The following GK variants were observed in gnomAD, a reference collection of about 807,000 sequenced individuals.
The protein encoded by GK is ATP:glycerol 3-phosphotransferase.
GK carries 9 observed loss-of-function variants against 56.4 expected under a neutral mutation model. The observed-to-expected ratio is 0.16, with a 90% CI of 0.10 to 0.28. The LOEUF is 0.28. GK is among the 10% of genes least tolerant of loss of function. The pLI is 1.00. For missense variants in GK, 161 were observed against 431.4 expected (o/e 0.37, Z 5.55); for synonymous variants, 104 against 144.1 (o/e 0.72, Z 1.99).
chrX:30,686,165 C>T (rs1186688157), intron 4 of GK, among the ~76,000 whole-genome samples: 1 of 112,753 alleles, frequency 8.9e-6, no homozygotes, highest in Non-Finnish European at 1.9e-5. Context: ...ATCAATCTTT[C>T]CTTCCCAACT....
intron 20 of GK, 28 bp downstream of exon 20, chrX:30,727,580 CTA>C: frequency 1.1e-6 from 1 of 886,351 alleles, no homozygotes; most frequent in Non-Finnish European, 1.7e-6. Flanking sequence ...TTAGACAACT[CTA>C]TTAGTTAGCT....
At chrX:30,683,685 G>T (rs1005759396) in intron 4 of GK, among the ~76,000 whole-genome samples, 1 of 112,337 alleles carries the variant, frequency 8.9e-6, no homozygotes, top group Admixed American at 9.4e-5. Context: ...GGAAGAGATG[G>T]CCTAATTTAC....
chrX:30,674,446 C>T (rs1933742602), intron 3 of GK: 1 of 314,365 alleles, frequency 3.2e-6, no homozygotes, highest in African/African-American at 2.7e-5. Context: ...CCACTTGGAG[C>T]TCCTCCCTCC....
chrX:30,671,656 G>A (rs757358581), intron 3 of GK: 1 of 112,026 alleles, frequency 8.9e-6, no homozygotes, highest in East Asian at 2.8e-4. Context: ...TCTGACAGAA[G>A]GTTTGTTGAT....
intron 3 of GK, among the ~76,000 whole-genome samples, chrX:30,668,656 G>A (rs1933249366): frequency 8.9e-6 from 1 of 112,029 alleles, no homozygotes; most frequent in South Asian, 3.7e-4. Context: ...CGATCAAATT[G>A]TGGAAGTGGG....
intron 4 of GK, chrX:30,677,944 A>G: frequency 1.9e-6 from 1 of 533,324 alleles, no homozygotes; most frequent in Non-Finnish European, 3.4e-6. Flanking sequence ...TTTTTGGATC[A>G]TACATATTCA....
intron 1 of GK, among the ~76,000 whole-genome samples, chrX:30,655,875 G>A (rs1456569651): frequency 8.9e-6 from 1 of 112,114 alleles, no homozygotes; most frequent in Non-Finnish European, 1.9e-5. Context: ...TGAACAACAT[G>A]AGCCTTCAAA....
At chrX:30,665,700 A>G (rs1387610996) in intron 2 of GK, 116 bp downstream of exon 2, 1 of 506,139 alleles carries the variant, frequency 2.0e-6, no homozygotes, top group African/African-American at 2.3e-5. Flanking sequence ...AAAACATTTG[A>G]AAGGTTGTTA....
chrX:30,661,949 T>C (rs1028076631), intron 1 of GK, among the ~76,000 whole-genome samples: 1 of 112,737 alleles, frequency 8.9e-6, no homozygotes, highest in African/African-American at 3.2e-5. Context: ...TCCTCTACCA[T>C]AGAGTCTTGT....
intron 13 of GK, among the ~76,000 whole-genome samples, chrX:30,715,117 TCTTTA>T (rs1268679716): frequency 8.9e-6 from 1 of 111,934 alleles, no homozygotes; most frequent in African/African-American, 3.2e-5. Context: ...TTTAGGGTAA[TCTTTA>T]CTTTACCTGA....
intron 8 of GK, among the ~76,000 whole-genome samples, chrX:30,697,197 C>T (rs1290997719): frequency 1.8e-5 from 2 of 112,149 alleles, no homozygotes; most frequent in African/African-American, 6.5e-5. Context: ...TTTGATTTCA[C>T]TGAAATCCAG....
At chrX:30,721,458 ATT>A (rs35498618) in intron 18 of GK, 2,566 of 92,211 alleles carry the variant, frequency 0.028, 23 homozygotes, top group South Asian at 0.06. Context: ...CGCCCGCCTA[ATT>A]TTTTTTTTTT....
At chrX:30,700,169 A>G (rs1368421413) in intron 9 of GK, 21 of 362,235 alleles carry the variant, frequency 5.8e-5, no homozygotes, top group Non-Finnish European at 9.6e-5. Flanking sequence ...CCAAGAGTAG[A>G]GCCCTCATTT....
In GK at chrX:30,691,075, T is replaced by C. The variant is rs751128863; in HGVS notation, c.338-48T>C. 3 of 725,062 alleles carry C rather than the reference T, an allele frequency of 4.1e-6. No homozygotes were observed. In the African/African-American group the frequency reaches 6.3e-5, roughly 15 times the overall value. The allele number at this position is 725,062 out of a possible 1,213,427, so 59.8% of individuals were successfully genotyped here. A position where few individuals can be genotyped will look rare whatever the true frequency, so the allele number is the denominator to read the frequency against. ...TGATAGTGATTTCAGTAAGTTCTTA[T>C]TTTTTAAATGAAGTTTTTCATGTAT... On this transcript the variant is annotated intron_variant, in intron 4 of 20. Coordinates refer to ENST00000427190, the MANE Select transcript of GK (RefSeq NM_001205019.2).
At chrX:30,685,327 G>A (rs749607281) in intron 4 of GK, among the ~76,000 whole-genome samples, 20 of 110,988 alleles carry the variant, frequency 1.8e-4, no homozygotes, top group Non-Finnish European at 3.6e-4. Flanking sequence ...AAGAGACGGG[G>A]TTTCACCGTG....
At chrX:30,653,727 G>C in intron 1 of GK, 112 bp downstream of exon 1, 1 of 731,444 alleles carries the variant, frequency 1.4e-6, no homozygotes, top group Middle Eastern at 3.0e-4. Flanking sequence ...TGCCCCGGCC[G>C]CTGGGCAAGG....
At chrX:30,667,901 G>A (rs1360140432) in intron 2 of GK, 111 bp from the exon 3 acceptor site, 1 of 512,366 alleles carries the variant, frequency 2.0e-6, no homozygotes, top group Non-Finnish European at 3.5e-6. Flanking sequence ...TGCTTAATCT[G>A]GTTTTCTTTA....
chrX:30,697,971 G>C (rs996920981), intron 9 of GK, among the ~76,000 whole-genome samples: 1 of 111,882 alleles, frequency 8.9e-6, no homozygotes, highest in African/African-American at 3.2e-5. Flanking sequence ...GACTAAGGTA[G>C]TTTCCTGGAA....
chrX:30,705,060 T>C (rs1441964673), intron 11 of GK, among the ~76,000 whole-genome samples: 2 of 112,180 alleles, frequency 1.8e-5, no homozygotes, highest in Non-Finnish European at 3.8e-5. Context: ...TTTGGGAATT[T>C]TGTTTGATTT....
Sources: gnomAD v4.1 joint callset for allele counts (sites outside exome capture counted in the v4.1 genomes callset) on GRCh38, gnomAD v4.1.1 for gene constraint, MANE v1.5 for transcripts, NCBI Gene and HGNC (gene_info 2026-07-23, HGNC 2026-07-21) for gene names.